MAL: variants seen among roughly 807,000 people sequenced by gnomAD.
MAL encodes myelin and lymphocyte protein.
In MAL, 5 loss-of-function variants were observed where a neutral mutation model predicts 16.7. That is an observed-to-expected ratio of 0.30 (90% CI 0.16 to 0.63). The LOEUF (loss-of-function observed/expected upper bound fraction) is 0.63, where lower values mean the gene tolerates loss of function less well. Ranked by LOEUF, MAL falls within the 30% of genes least tolerant of loss-of-function variation. MAL has a pLI of 0.82. For missense variants in MAL, 202 were observed against 195.8 expected, an observed-to-expected ratio of 1.03 and a Z score of -0.19; for synonymous variants, 96 against 85.5, an observed-to-expected ratio of 1.12 and a Z score of -0.67.
chr2:95,049,093 C>T (rs554551736), intron 2 of MAL, among the ~76,000 whole-genome samples: 1 of 152,200 alleles, frequency 6.6e-6, no homozygotes. Context: ...TCTAGGATTA[C>T]AGTCATGAGC....
intron 1 of MAL, among the ~76,000 whole-genome samples, chr2:95,042,079 G>A (rs879067927): frequency 6.6e-6 from 1 of 152,154 alleles, no homozygotes; most frequent in Non-Finnish European, 1.5e-5. Flanking sequence ...ACCCAAGGAC[G>A]AGCTAGTCTC....
chr2:95,053,804 G>T lies in MAL; in HGVS notation c.*349G>T. ...AGATCCTCTGCTGACCCCTGGAGCA[G>T]CTCTCGAGAACTACCTGTTGGTATT... On this transcript the variant is annotated 3_prime_UTR_variant, in exon 4 of 4. Coordinates refer to ENST00000309988, the MANE Select transcript of MAL (RefSeq NM_002371.4). 1 of 265,074 alleles carries T rather than the reference G, an allele frequency of 3.8e-6. No homozygotes were observed. The allele number at this position is 265,074 out of a possible 1,614,324, so 16.4% of individuals were successfully genotyped here.
At chr2:95,036,863 GACTGAGTGACTGAGTGAGTA>G in intron 1 of MAL, among the ~76,000 whole-genome samples, 1 of 151,414 alleles carries the variant, frequency 6.6e-6, no homozygotes, top group African/African-American at 2.4e-5. Flanking sequence ...GTGAGTGAGT[GACTGAGTGACTGAGTGAGTA>G]ACTGAGTGGG....
chr2:95,025,913 CG>C lies in MAL; in HGVS notation c.93+32del. The C allele has an allele frequency of 1.3e-6, 2 of 1,519,466 alleles. No homozygotes were observed. The highest frequency in any genetic ancestry group is 1.8e-6 in the Non-Finnish European group (2 of 1,127,684). 94.1% of individuals were successfully genotyped at this position (1,519,466 alleles called of 1,614,324 possible). ...GAGTGGCTCCTGGCCGGGGAAGGGACGGGGTGGGCTGAGCCGTGCGCTCTCT... is the reference window on the plus strand; with the variant it reads ...GAGTGGCTCCTGGCCGGGGAAGGGACGGGTGGGCTGAGCCGTGCGCTCTCT... On this transcript the variant is annotated intron_variant, in intron 1 of 3. Transcript: ENST00000309988. The surrounding 1 kb of genome is among the most constrained non-coding windows in gnomAD (Gnocchi z 5.6).
chr2:95,044,027 C>T lies in MAL; in HGVS notation c.94-3932C>T, dbSNP rs1431491106. Among the ~76,000 whole-genome samples, 4 of 152,320 alleles carry T rather than the reference C, an allele frequency of 2.6e-5. No homozygotes were observed. In the East Asian group the frequency reaches 5.8e-4, roughly 22 times the overall value. On this transcript the variant is annotated intron_variant, in intron 1 of 3. Transcript: ENST00000309988. ...GGAGGCTCCAGGGACATGAGACACA[C>T]TCACCCAGGGCCCCCTGAATGGTGG...
intron 1 of MAL, among the ~76,000 whole-genome samples, chr2:95,036,434 C>T (rs752242671): frequency 2.0e-5 from 3 of 152,170 alleles, no homozygotes; most frequent in Non-Finnish European, 2.9e-5. Context: ...CTGAATCCAC[C>T]CTTGGTGGAC....
At chr2:95,044,466 T>C (rs1674539094) in intron 1 of MAL, 1 of 152,230 alleles carries the variant, frequency 6.6e-6, no homozygotes, top group South Asian at 2.1e-4. Flanking sequence ...CATCTCACTA[T>C]GAAACATACT....
chr2:95,046,654 G>T (rs570444524), intron 1 of MAL, among the ~76,000 whole-genome samples: 159 of 152,050 alleles, frequency 1.0e-3, no homozygotes, highest in Non-Finnish European at 1.9e-3. Context: ...CATCAACTGG[G>T]GTGTATTCTG....
chr2:95,049,639 C>A lies in MAL; in HGVS notation c.320C>A (p.Ala107Asp). ...TACCTCAGCGCCTCAGTCCTGGAGGCCCTGGCCACCATCACGATGCAAGAC... is the reference window on the plus strand; with the variant it reads ...TACCTCAGCGCCTCAGTCCTGGAGGACCTGGCCACCATCACGATGCAAGAC... ...LFYLSASVLEALATITMQDGF... is the reference protein window; with the variant it reads ...LFYLSASVLEDLATITMQDGF... The change falls in exon 3 of 4, where the codon GCC becomes GAC. Residue 107 changes from alanine (A) to aspartate (D), a missense_variant. Transcript: ENST00000309988. 6.2e-7 allele frequency: 1 copy of A among 1,614,238 alleles called. No homozygotes were observed. The highest frequency in any genetic ancestry group is 8.5e-7 in the Non-Finnish European group (1 of 1,180,044).
At position 95,048,096 on chromosome 2, in the gene MAL, C is replaced by A; in HGVS notation, c.231C>A (p.Ala77=). The change falls in exon 2 of 4, where the codon GCC becomes GCA. Residue 77 remains alanine (A), a synonymous_variant. Coordinates refer to ENST00000309988, the MANE Select transcript of MAL (RefSeq NM_002371.4). ...TGATCATCCTGTACATAATTGGAGCCCACGGTGGAGAGACTTCCTGGGTCA... is the reference window on the plus strand; with the variant it reads ...TGATCATCCTGTACATAATTGGAGCACACGGTGGAGAGACTTCCTGGGTCA... The part of the protein sequence containing the change: ...TTLIILYIIG[A]HGGETSWVTL... The A allele has an allele frequency of 6.2e-7, 1 of 1,613,830 alleles. No individual in the cohort carries two copies. Among genetic ancestry groups the A allele is most frequent in the East Asian group, 2.2e-5 (1 of 44,862 alleles).
chr2:95,034,230 C>A (rs1674152613), intron 1 of MAL, among the ~76,000 whole-genome samples: 1 of 152,136 alleles, frequency 6.6e-6, no homozygotes, highest in Non-Finnish European at 1.5e-5. Context: ...CTTCCTGGGG[C>A]CTTCCCAGTG....
intron 1 of MAL, among the ~76,000 whole-genome samples, chr2:95,035,792 C>T (rs1374425580): frequency 6.6e-6 from 1 of 151,890 alleles, no homozygotes; most frequent in African/African-American, 2.4e-5. Flanking sequence ...GCCTCAGCCT[C>T]CTGAGTAGCT....
chr2:95,039,018 CAGTGACTGAGTGAGTG>C (rs1373920126), intron 1 of MAL, among the ~76,000 whole-genome samples: 1 of 42,128 alleles, frequency 2.4e-5, no homozygotes, highest in African/African-American at 9.9e-5. Context: ...GTGGGTGAGT[CAGTGACTGAGTGAGTG>C]AGTGACTGAG....
intron 2 of MAL, among the ~76,000 whole-genome samples, chr2:95,048,551 G>A (rs1674642171): frequency 6.6e-6 from 1 of 152,244 alleles, no homozygotes; most frequent in Admixed American, 6.5e-5. Context: ...TTACTGTCCA[G>A]CTCCTCAGCC....
chr2:95,043,535 C>G (rs1399739950), intron 1 of MAL, among the ~76,000 whole-genome samples: 5 of 152,194 alleles, frequency 3.3e-5, no homozygotes, highest in African/African-American at 1.2e-4. Flanking sequence ...AACGGGAGTC[C>G]CCTGCCAAGG....
chr2:95,031,901 C>T (rs1674092086), intron 1 of MAL, among the ~76,000 whole-genome samples: 1 of 152,222 alleles, frequency 6.6e-6, no homozygotes, highest in African/African-American at 2.4e-5. Context: ...TCTGGTTTTT[C>T]AAGACCAGAG....
chr2:95,049,538 GTC>G, intron 2 of MAL, 41 bp from the exon 3 acceptor site: 1 of 1,609,894 alleles, frequency 6.2e-7, no homozygotes, highest in Non-Finnish European at 8.5e-7. Context: ...TCTGGGCCCC[GTC>G]TCTCTCTCCC....
chr2:95,032,580 G>A (rs1674110215), intron 1 of MAL, among the ~76,000 whole-genome samples: 1 of 152,212 alleles, frequency 6.6e-6, no homozygotes, highest in African/African-American at 2.4e-5. Context: ...GGGGGACTGT[G>A]CCCCTTGTCC....
chr2:95,033,582 A>C (rs1445315196), intron 1 of MAL, among the ~76,000 whole-genome samples: 1 of 152,080 alleles, frequency 6.6e-6, no homozygotes, highest in Non-Finnish European at 1.5e-5. Flanking sequence ...GTTTGAGATC[A>C]GCCTGGGCAA....
Sources: allele counts gnomAD v4.1 joint callset (sites outside exome capture counted in the v4.1 genomes callset), GRCh38; gene constraint gnomAD v4.1.1; non-coding constraint Gnocchi (gnomAD v3.1); transcripts MANE v1.5; gene names NCBI Gene and HGNC (gene_info 2026-07-23, HGNC 2026-07-21).